Variants in TPCN1 observed in about 807,000 individuals in gnomAD.
TPCN1 encodes the protein two pore segment channel 1, also known as two pore channel protein 1.
TPCN1 carries 52 observed loss-of-function variants against 108.8 expected under a neutral mutation model. The observed-to-expected ratio is 0.48, with a 90% CI of 0.38 to 0.60. TPCN1 has a LOEUF of 0.60. Ranked by LOEUF, TPCN1 falls within the 20% of genes least tolerant of loss-of-function variation. TPCN1 has a pLI of 0.00. For missense variants in TPCN1, 806 were observed against 1,072.8 expected (o/e 0.75, Z 3.47); for synonymous variants, 446 against 433.7 (o/e 1.03, Z -0.35).
chr12:113,268,884 G>T lies in TPCN1; in HGVS notation c.659+12G>T, dbSNP rs770807956. 1 of 1,613,556 alleles carries T rather than the reference G, an allele frequency of 6.2e-7. No homozygotes were observed. The highest frequency in any genetic ancestry group is 1.1e-5 in the South Asian group (1 of 91,046). ...GGTGGCGTCCGGCGGTAAGGCCCGG[G>T]TGGGGAGCTGGGCAGTCACTATCCT... On this transcript the variant is annotated intron_variant, in intron 6 of 27. Transcript: ENST00000335509. The surrounding 1 kb of genome is among the most constrained non-coding windows in gnomAD (Gnocchi z 7.3).
At chr12:113,228,734 A>T (rs1353909740) in intron 2 of TPCN1, among the ~76,000 whole-genome samples, 2 of 152,194 alleles carry the variant, frequency 1.3e-5, no homozygotes, top group African/African-American at 4.8e-5. Flanking sequence ...AGGTTAAGTG[A>T]CTTGTCCAAG....
At chr12:113,262,333 C>T (rs149709897) in intron 3 of TPCN1, among the ~76,000 whole-genome samples, 14 of 149,938 alleles carry the variant, frequency 9.3e-5, no homozygotes, top group African/African-American at 3.2e-4. Context: ...TCGCCTGAGT[C>T]TGGGAAGTTG....
chr12:113,294,424 C>G (rs921567008), intron 27 of TPCN1, among the ~76,000 whole-genome samples: 1 of 151,984 alleles, frequency 6.6e-6, no homozygotes, highest in African/African-American at 2.4e-5. Context: ...GCCAGGAGCT[C>G]GAGACCAGCC....
intron 1 of TPCN1, among the ~76,000 whole-genome samples, chr12:113,225,623 C>T (rs918727381): frequency 1.4e-4 from 21 of 152,214 alleles, no homozygotes; most frequent in Admixed American, 8.5e-4. Context: ...GGCTCTATCT[C>T]GGTTCACTGC....
At chr12:113,222,877 CTG>C (rs1345484279) in intron 1 of TPCN1, among the ~76,000 whole-genome samples, 4 of 152,314 alleles carry the variant, frequency 2.6e-5, no homozygotes, top group African/African-American at 7.2e-5. Flanking sequence ...AACCTCTTCT[CTG>C]TGAGTTAATA....
chr12:113,229,462 C>T (rs1344927035), intron 2 of TPCN1, among the ~76,000 whole-genome samples: 1 of 152,184 alleles, frequency 6.6e-6, no homozygotes, highest in East Asian at 1.9e-4. Flanking sequence ...ACCCCAGCGT[C>T]CCCCTGTCCC....
chr12:113,228,096 C>A (rs1001360332), intron 2 of TPCN1, among the ~76,000 whole-genome samples: 2 of 152,200 alleles, frequency 1.3e-5, no homozygotes, highest in African/African-American at 4.8e-5. Context: ...TCTGAAATCC[C>A]TTTGCAAGGC....
intron 2 of TPCN1, among the ~76,000 whole-genome samples, chr12:113,252,724 C>T (rs1954692507): frequency 6.6e-6 from 1 of 152,228 alleles, no homozygotes; most frequent in Non-Finnish European, 1.5e-5. Context: ...AGCTGCTTGC[C>T]TGTGGCTTTT....
chr12:113,242,329 T>A (rs1263607056), intron 2 of TPCN1, among the ~76,000 whole-genome samples: 1 of 152,198 alleles, frequency 6.6e-6, no homozygotes, highest in Non-Finnish European at 1.5e-5. Flanking sequence ...GTGGCTCAAG[T>A]CCAGGCCCTC....
chr12:113,236,570 C>T (rs1389230484), intron 2 of TPCN1, among the ~76,000 whole-genome samples: 1 of 151,438 alleles, frequency 6.6e-6, no homozygotes, highest in Non-Finnish European at 1.5e-5. Flanking sequence ...TCGAGATTGT[C>T]ACTGCACTCC....
intron 2 of TPCN1, among the ~76,000 whole-genome samples, chr12:113,229,097 C>T (rs1032607178): frequency 1.3e-5 from 2 of 152,200 alleles, no homozygotes; most frequent in Non-Finnish European, 2.9e-5. Flanking sequence ...GGAAATAGGC[C>T]AGAGACACAA....
In TPCN1 at chr12:113,269,391, C is replaced by G. The variant is rs1955404061; in HGVS notation, c.660-366C>G. 1.3e-5 allele frequency among the ~76,000 whole-genome samples: 2 copies of G among 152,200 alleles called. No homozygotes were observed. Among genetic ancestry groups the G allele is most frequent in the South Asian group, 4.1e-4 (2 of 4,830 alleles). On this transcript the variant is annotated intron_variant, in intron 6 of 27. Transcript: ENST00000335509. The surrounding 1 kb of genome is among the most constrained non-coding windows in gnomAD (Gnocchi z 5.0). ...GTGTCCTTGAAACAGGCCCAGTGTC[C>G]CAGGACTAAGTGGCCTTGAAATGTC...
At position 113,272,539 on chromosome 12, in the gene TPCN1, C is replaced by T; in HGVS notation, c.749-119C>T. ...TCAGGGTGCTGTGGTCCCCAGCAGT[C>T]CCTGCTGCTCTTCCTGACCTGCTGC... On this transcript the variant is annotated intron_variant, in intron 7 of 27. Transcript: ENST00000335509. This position sits in a 1 kb window ranked among gnomAD's most constrained non-coding sequence, Gnocchi z 4.1. The T allele has an allele frequency of 1.1e-6, 1 of 923,784 alleles. No homozygotes were observed. The allele number at this position is 923,784 out of a possible 1,614,324, so 57.2% of individuals were successfully genotyped here. A position where few individuals can be genotyped will look rare whatever the true frequency, so the allele number is the denominator to read the frequency against.
In TPCN1 at chr12:113,289,504, A is replaced by T. The variant is rs1260252632; in HGVS notation, c.1797-624A>T. ...CAGTGGGTCCCAGACTTTAGAGCCC[A>T]TTGCAGTCACCAGGGAGCTTAGTGC... is the stretch of plus-strand genomic sequence containing the variant. On this transcript the variant is annotated intron_variant, in intron 21 of 27. Transcript: ENST00000335509. The surrounding 1 kb of genome is among the most constrained non-coding windows in gnomAD (Gnocchi z 4.1). Among the ~76,000 whole-genome samples, 2 of 152,190 alleles carry T rather than the reference A, an allele frequency of 1.3e-5. No homozygotes were observed. Among genetic ancestry groups the T allele is most frequent in the Non-Finnish European group, 2.9e-5 (2 of 68,038 alleles).
At position 113,296,024 on chromosome 12, in the gene TPCN1, C is replaced by G; in HGVS notation, c.2399C>G (p.Pro800Arg). 6.2e-7 allele frequency: 1 copy of G among 1,613,250 alleles called. No individual in the cohort carries two copies. Among genetic ancestry groups the G allele is most frequent in the Non-Finnish European group, 8.5e-7 (1 of 1,179,872 alleles). The change falls in exon 28 of 28, where the codon CCC becomes CGC. Residue 800 changes from proline (P) to arginine (R), a missense_variant. Physicochemically the swap from Pro to Arg is moderately radical, Grantham distance 103. Transcript: ENST00000335509. ...QQRQLSSSAA[P>R]AAQQPPGSRQ... The stretch of plus-strand genomic sequence containing the variant: ...CGACAACTCAGCAGCAGTGCAGCCC[C>G]CGCCGCCCAGCAGCCCCCAGGCAGC...
chr12:113,226,006 T>TTTTA (rs1245543493), intron 1 of TPCN1, among the ~76,000 whole-genome samples: 3 of 151,980 alleles, frequency 2.0e-5, no homozygotes, highest in Admixed American at 6.5e-5. Context: ...GCCCAGCTAA[T>TTTTA]TTTATTTATT....
Position 113,257,517 on chromosome 12 carries a change from C to T in TPCN1, c.113-2851C>T, listed in dbSNP as rs558514058. Among the ~76,000 whole-genome samples the T allele has an allele frequency of 7.3e-5, 11 of 151,396 alleles. No individual in the cohort carries two copies. In the East Asian group the frequency reaches 7.7e-4, roughly 11 times the overall value. On this transcript the variant is annotated intron_variant, in intron 2 of 27. Transcript: ENST00000335509. ...AAAAAAAAAAAATGCTTAAAAAGAG[C>T]GAGCATATCAACAGTTGGTGGAGAT...
intron 1 of TPCN1, among the ~76,000 whole-genome samples, chr12:113,223,521 CTTAT>C (rs986585545): frequency 5.4e-5 from 8 of 149,088 alleles, no homozygotes; most frequent in African/African-American, 2.0e-4. Context: ...GAGTGTTTTA[CTTAT>C]TTAGTTATTT....
chr12:113,229,871 A>C (rs1392070654), intron 2 of TPCN1, among the ~76,000 whole-genome samples: 1 of 152,006 alleles, frequency 6.6e-6, no homozygotes, highest in African/African-American at 2.4e-5. Context: ...CCATCCCTCT[A>C]TGGGGGTTGG....
Sources: gnomAD v4.1 joint callset for allele counts (sites outside exome capture counted in the v4.1 genomes callset) on GRCh38, gnomAD v4.1.1 for gene constraint, Gnocchi (gnomAD v3.1) non-coding constraint, MANE v1.5 for transcripts, NCBI Gene and HGNC (gene_info 2026-07-23, HGNC 2026-07-21) for gene names.